Variants in ZNF385B observed in about 807,000 individuals in gnomAD.
ZNF385B encodes the protein zinc finger protein 533.
Under a neutral mutation model 39.2 loss-of-function variants are expected in ZNF385B, and 23 were observed. That is an observed-to-expected ratio of 0.59 (90% CI 0.42 to 0.83). The LOEUF is 0.83. Ranked by LOEUF, ZNF385B falls within the 40% of genes least tolerant of loss-of-function variation. The pLI is 0.00. For missense variants in ZNF385B, 552 were observed against 598.9 expected, an observed-to-expected ratio of 0.92 and a Z score of 0.82; for synonymous variants, 205 against 222.6, an observed-to-expected ratio of 0.92 and a Z score of 0.70.
intron 3 of ZNF385B, among the ~76,000 whole-genome samples, chr2:179,559,110 A>G (rs573313102): frequency 6.6e-6 from 1 of 152,272 alleles, no homozygotes; most frequent in African/African-American, 2.4e-5. Flanking sequence ...TCCCAAAATG[A>G]TTTTCCTCCC....
intron 3 of ZNF385B, chr2:179,576,311 C>CT (rs1685806668): frequency 2.6e-6 from 1 of 378,928 alleles, no homozygotes; most frequent in Non-Finnish European, 3.6e-6. Context: ...ACTTAGAATC[C>CT]TTTTTTTCCA....
At chr2:179,527,000 A>G (rs2058949843) in intron 4 of ZNF385B, among the ~76,000 whole-genome samples, 1 of 152,254 alleles carries the variant, frequency 6.6e-6, no homozygotes, top group South Asian at 2.1e-4. Context: ...GGCAATAACA[A>G]CACAACACAT....
intron 1 of ZNF385B, among the ~76,000 whole-genome samples, chr2:179,826,801 A>C (rs1318525728): frequency 6.6e-6 from 1 of 152,218 alleles, no homozygotes; most frequent in African/African-American, 2.4e-5. Flanking sequence ...GCATCTATAA[A>C]TAATGCAATA....
At chr2:179,631,637 C>T (rs565742127) in intron 3 of ZNF385B, among the ~76,000 whole-genome samples, 1 of 152,240 alleles carries the variant, frequency 6.6e-6, no homozygotes, top group East Asian at 1.9e-4. Context: ...AAACGGTGAA[C>T]ATCATAATGA....
intron 3 of ZNF385B, among the ~76,000 whole-genome samples, chr2:179,657,272 T>C (rs551463476): frequency 1.3e-5 from 2 of 152,326 alleles, no homozygotes; most frequent in South Asian, 4.1e-4. Context: ...CATCACCCTA[T>C]TATTGTGTAA....
chr2:179,697,110 T>A (rs1366303889), intron 3 of ZNF385B, among the ~76,000 whole-genome samples: 1 of 152,166 alleles, frequency 6.6e-6, no homozygotes. Flanking sequence ...CCCCTTGAAG[T>A]CTGATTTAAT....
chr2:179,512,493 A>G (rs1036561310), intron 5 of ZNF385B, among the ~76,000 whole-genome samples: 1 of 152,202 alleles, frequency 6.6e-6, no homozygotes, highest in Non-Finnish European at 1.5e-5. Context: ...TTAGTCTCAA[A>G]AAATTTTCTG....
intron 1 of ZNF385B, among the ~76,000 whole-genome samples, chr2:179,826,880 T>C (rs1707710316): frequency 6.6e-6 from 1 of 152,194 alleles, no homozygotes; most frequent in Admixed American, 6.5e-5. Flanking sequence ...GACTTTGGTG[T>C]CTGTATCAAT....
intron 3 of ZNF385B, among the ~76,000 whole-genome samples, chr2:179,751,567 C>T (rs1490455579): frequency 6.6e-6 from 1 of 152,118 alleles, no homozygotes; most frequent in Admixed American, 6.6e-5. Context: ...TAATACCTAT[C>T]ATTAATGTCC....
chr2:179,604,619 G>A (rs1459181500), intron 3 of ZNF385B, among the ~76,000 whole-genome samples: 1 of 151,648 alleles, frequency 6.6e-6, no homozygotes, highest in Admixed American at 6.6e-5. Flanking sequence ...TATCCAGAGA[G>A]GTTTTTCCTA....
chr2:179,686,824 T>G (rs905377666), intron 3 of ZNF385B, among the ~76,000 whole-genome samples: 5 of 152,186 alleles, frequency 3.3e-5, no homozygotes, highest in Non-Finnish European at 7.3e-5. Context: ...ATTGAAATTT[T>G]GTTTAGAAAT....
rs188502412 is a variant in ZNF385B, at chr2:179,840,084, C to T, written c.-155+21017G>A. 3.5e-3 allele frequency among the ~76,000 whole-genome samples: 533 copies of T among 152,346 alleles called. 1 individual carries two copies. The highest frequency in any genetic ancestry group is 6.0e-3 in the Non-Finnish European group (410 of 68,034). On this transcript the variant is annotated intron_variant, in intron 1 of 9. Transcript: ENST00000410066. Reference sequence around the variant, plus strand: ...TGGAAGGGCAAATGGAAGATACCTGCATAGGCAGAGATGGACCACACACAT... The same window carrying T: ...TGGAAGGGCAAATGGAAGATACCTGTATAGGCAGAGATGGACCACACACAT...
intron 3 of ZNF385B, among the ~76,000 whole-genome samples, chr2:179,665,020 A>G (rs1178859993): frequency 1.3e-5 from 2 of 152,212 alleles, no homozygotes; most frequent in Non-Finnish European, 2.9e-5. Context: ...AATTTAAATA[A>G]TCCCATTTAA....
intron 3 of ZNF385B, among the ~76,000 whole-genome samples, chr2:179,566,518 A>G (rs1260962664): frequency 6.6e-6 from 1 of 152,256 alleles, no homozygotes; most frequent in Non-Finnish European, 1.5e-5. Flanking sequence ...TCAGAAAGCC[A>G]TAACCTGAAG....
At chr2:179,745,868 G>A (rs548198220) in intron 3 of ZNF385B, 75 of 1,308,200 alleles carry the variant, frequency 5.7e-5, no homozygotes, top group South Asian at 2.6e-4. Flanking sequence ...ACAGCACCAC[G>A]TTATATCAGT....
chr2:179,603,855 G>T (rs1395607137), intron 3 of ZNF385B, among the ~76,000 whole-genome samples: 1 of 152,042 alleles, frequency 6.6e-6, no homozygotes, highest in African/African-American at 2.4e-5. Flanking sequence ...GAGTAAACAG[G>T]AATGCATCAA....
intron 5 of ZNF385B, among the ~76,000 whole-genome samples, chr2:179,503,971 A>T (rs2057005299): frequency 6.8e-6 from 1 of 146,712 alleles, no homozygotes; most frequent in Admixed American, 6.9e-5. Flanking sequence ...GGTGCGCTGC[A>T]CCCACTAACT....
At chr2:179,755,894 A>G (rs570603837) in intron 3 of ZNF385B, among the ~76,000 whole-genome samples, 1 of 152,240 alleles carries the variant, frequency 6.6e-6, no homozygotes, top group East Asian at 1.9e-4. Flanking sequence ...CCAATTTGCT[A>G]GTCTGTGTCT....
At chr2:179,773,382 C>T (rs984086896) in intron 1 of ZNF385B, among the ~76,000 whole-genome samples, 1 of 152,142 alleles carries the variant, frequency 6.6e-6, no homozygotes, top group Non-Finnish European at 1.5e-5. Context: ...AACAACTTGG[C>T]TTGCAACTCC....
Sources: allele counts gnomAD v4.1 joint callset (sites outside exome capture counted in the v4.1 genomes callset), GRCh38; gene constraint gnomAD v4.1.1; transcripts MANE v1.5; gene names NCBI Gene and HGNC (gene_info 2026-07-23, HGNC 2026-07-21).